The following SPATA45 variants were observed in gnomAD, a reference collection of about 807,000 sequenced individuals.
The protein encoded by SPATA45 is spermatogenesis associated 45.
In SPATA45, 5 loss-of-function variants were observed where a neutral mutation model predicts 7.0. The ratio of observed to expected loss-of-function variants is 0.71; its 90% CI spans 0.37 to 1.50. SPATA45 has a LOEUF of 1.50. Among genes scored for constraint, SPATA45 ranks in the 40% most tolerant of loss-of-function variants. The pLI is 0.03. For synonymous variants in SPATA45, 40 were observed against 38.7 expected (o/e 1.03, Z -0.13); for missense variants, 111 against 114.9 (o/e 0.97, Z 0.16).
intron 1 of SPATA45, among the ~76,000 whole-genome samples, chr1:212,846,422 T>C (rs1280046880): frequency 6.6e-6 from 1 of 152,202 alleles, no homozygotes; most frequent in Non-Finnish European, 1.5e-5. Context: ...TCATATCCCC[T>C]GTGACCTGTA....
chr1:212,831,454 C>T (rs549919273), intron 2 of SPATA45, among the ~76,000 whole-genome samples: 1 of 141,682 alleles, frequency 7.1e-6, no homozygotes, highest in Admixed American at 7.3e-5. Context: ...GCCCCAGTGA[C>T]AGAGCAAGAC....
At chr1:212,837,273 G>A (rs114270988) in intron 1 of SPATA45, among the ~76,000 whole-genome samples, 2,031 of 148,686 alleles carry the variant, frequency 0.014, 51 homozygotes, top group African/African-American at 0.047. Context: ...AATTACTCTC[G>A]ATCCAGAGAC....
chr1:212,831,718 T>C (rs1663491810), intron 2 of SPATA45, among the ~76,000 whole-genome samples: 1 of 151,254 alleles, frequency 6.6e-6, no homozygotes, highest in Admixed American at 6.6e-5. Context: ...CCAAATACTC[T>C]ATGCAAAATC....
intron 2 of SPATA45, among the ~76,000 whole-genome samples, chr1:212,833,959 C>T (rs781510102): frequency 1.4e-4 from 22 of 151,916 alleles, no homozygotes; most frequent in Admixed American, 1.2e-3. Context: ...TAAAGTGAGA[C>T]GTAATACTTC....
At chr1:212,839,513 GA>G (rs1663642143) in intron 1 of SPATA45, among the ~76,000 whole-genome samples, 1 of 151,142 alleles carries the variant, frequency 6.6e-6, no homozygotes, top group African/African-American at 2.4e-5. Context: ...AGCTACTCAG[GA>G]GGCTGAGGTG....
intron 1 of SPATA45, among the ~76,000 whole-genome samples, chr1:212,847,273 T>C (rs921441117): frequency 7.9e-5 from 12 of 152,180 alleles, no homozygotes; most frequent in Non-Finnish European, 1.6e-4. Flanking sequence ...GGCTACTCCC[T>C]AAAATGTATT....
chr1:212,845,449 C>T (rs1239200108), intron 1 of SPATA45, among the ~76,000 whole-genome samples: 1 of 152,186 alleles, frequency 6.6e-6, no homozygotes, highest in Non-Finnish European at 1.5e-5. Context: ...TCATTTCTTC[C>T]CTTCTGTCAG....
At position 212,835,282 on chromosome 1, in the gene SPATA45, G is replaced by A. The variant is rs576865891; in HGVS notation, c.277+591C>T. ...CTCACGCCTGTAATCCCAGCACTTT[G>A]AGAGGCCAAGGTGGGTGGATTACCT... On this transcript the variant is annotated intron_variant, in intron 2 of 2. Transcript: ENST00000332912. 2.6e-5 allele frequency among the ~76,000 whole-genome samples: 4 copies of A among 151,682 alleles called. No homozygotes were observed. The East Asian group carries it at 7.8e-4, about 30-fold the overall frequency.
In SPATA45 at chr1:212,830,207, G is replaced by T; in HGVS notation, c.*35C>A. On this transcript the variant is annotated 3_prime_UTR_variant, in exon 3 of 3. Transcript: ENST00000332912. ...TTAGACACACTGAAGAAGAATCAAA[G>T]AGAATGTATTTCCGTGTGTCTCTGG... The T allele has an allele frequency of 6.9e-7, 1 of 1,457,938 alleles. No individual in the cohort carries two copies. The highest frequency in any genetic ancestry group is 1.2e-5 in the South Asian group (1 of 82,108). The allele number at this position is 1,457,938 out of a possible 1,614,324, so 90.3% of individuals were successfully genotyped here. A position where few individuals can be genotyped will look rare whatever the true frequency, so the allele number is the denominator to read the frequency against.
Position 212,836,137 on chromosome 1 carries a change from T to C in SPATA45, c.13A>G (p.Asn5Asp). 6.2e-7 allele frequency: 1 copy of C among 1,603,134 alleles called. No individual in the cohort carries two copies. The highest frequency in any genetic ancestry group is 8.5e-7 in the Non-Finnish European group (1 of 1,170,846). Residue 5 changes from asparagine to aspartate, a missense_variant, in exon 2 of 3, where the codon AAC becomes GAC. By Grantham distance (23) the Asn-to-Asp change is conservative. Coordinates refer to ENST00000332912, the MANE Select transcript of SPATA45 (RefSeq NM_001024601.3). The stretch of plus-strand genomic sequence containing the variant: ...TTTTTCATTATTTCAATGGTTCTGT[T>C]TATAGATGCCATTATGGTCACAAAC... MASI[N>D]RTIEIMKKHG...
At chr1:212,840,555 G>A (rs371220519) in intron 1 of SPATA45, among the ~76,000 whole-genome samples, 260 of 152,068 alleles carry the variant, frequency 1.7e-3, no homozygotes, top group African/African-American at 5.9e-3. Flanking sequence ...AAAGTAGCTG[G>A]GATTACAGAG....
chr1:212,841,474 TTTTATTGCTAGAC>T (rs1571992845), intron 1 of SPATA45, among the ~76,000 whole-genome samples: 1 of 151,576 alleles, frequency 6.6e-6, no homozygotes, highest in East Asian at 1.9e-4. Flanking sequence ...TAATTATTCT[TTTTATTGCTAGAC>T]TTTAGGTTGT....
intron 1 of SPATA45, among the ~76,000 whole-genome samples, chr1:212,841,157 CT>C (rs201103845): frequency 9.5e-5 from 14 of 147,296 alleles, no homozygotes; most frequent in Admixed American, 3.4e-4. Flanking sequence ...ACCATCTTTC[CT>C]TTTTTTTTCT....
intron 1 of SPATA45, among the ~76,000 whole-genome samples, chr1:212,843,609 A>G (rs1432688397): frequency 6.6e-6 from 1 of 152,208 alleles, no homozygotes; most frequent in Non-Finnish European, 1.5e-5. Context: ...GAGACGTTCA[A>G]GGTAATGACA....
chr1:212,840,968 GTC>G (rs1440706650), intron 1 of SPATA45, among the ~76,000 whole-genome samples: 3 of 151,806 alleles, frequency 2.0e-5, no homozygotes, highest in Non-Finnish European at 4.4e-5. Flanking sequence ...TTGAGGCGGA[GTC>G]TCTCTCTGTC....
At chr1:212,843,460 T>C (rs756695688) in intron 1 of SPATA45, among the ~76,000 whole-genome samples, 1 of 152,240 alleles carries the variant, frequency 6.6e-6, no homozygotes, top group Non-Finnish European at 1.5e-5. Flanking sequence ...TTTTGTTCAA[T>C]TTGATAAGTA....
intron 1 of SPATA45, among the ~76,000 whole-genome samples, chr1:212,844,589 T>C (rs190523782): frequency 9.3e-4 from 142 of 152,320 alleles, no homozygotes; most frequent in African/African-American, 3.0e-3. Context: ...TATGCTATTG[T>C]ATCTTCTACA....
chr1:212,833,991 C>T (rs748117596), intron 2 of SPATA45, among the ~76,000 whole-genome samples: 2 of 151,610 alleles, frequency 1.3e-5, no homozygotes, highest in African/African-American at 2.4e-5. Flanking sequence ...TCAGGTGATC[C>T]GCCCACCTCG....
intron 2 of SPATA45, among the ~76,000 whole-genome samples, chr1:212,832,900 G>A (rs1471239990): frequency 2.6e-5 from 4 of 151,484 alleles, no homozygotes; most frequent in South Asian, 2.1e-4. Context: ...GCCAGGAAAC[G>A]TTTCCTGAGT....
Sources: gnomAD v4.1 joint callset for allele counts (sites outside exome capture counted in the v4.1 genomes callset) on GRCh38, gnomAD v4.1.1 for gene constraint, MANE v1.5 for transcripts, NCBI Gene and HGNC (gene_info 2026-07-23, HGNC 2026-07-21) for gene names.